Variants in CLASP2 observed in about 807,000 individuals in gnomAD.
CLASP2 encodes the protein cytoplasmic linker associated protein 2, also known as CLIP-associating protein 2.
CLASP2 carries 47 observed loss-of-function variants against 194.4 expected under a neutral mutation model. The ratio of observed to expected loss-of-function variants is 0.24; its 90% CI spans 0.19 to 0.31. The LOEUF (loss-of-function observed/expected upper bound fraction) is 0.31. CLASP2 is among the 10% of genes least tolerant of loss of function. The pLI, the probability that CLASP2 is intolerant of heterozygous loss-of-function variation, is 1.00. For missense variants in CLASP2, 1,445 were observed against 1,823.6 expected, an observed-to-expected ratio of 0.79 and a Z score of 3.78; for synonymous variants, 619 against 633.5, an observed-to-expected ratio of 0.98 and a Z score of 0.34.
rs943606734 is a variant in CLASP2 at position 33,604,094 on chromosome 3, T to C, written c.1750+60A>G. The C allele has an allele frequency of 7.0e-6, 9 of 1,281,380 alleles. No individual in the cohort carries two copies. The African/African-American group carries it at 9.0e-5, about 13-fold the overall frequency. 79.4% of individuals were successfully genotyped at this position (1,281,380 alleles called of 1,614,324 possible). A position where few individuals can be genotyped will look rare whatever the true frequency, so the allele number is the denominator to read the frequency against. ...TCACTATGGAGCACATCAAAAGAGT[T>C]TGAAGGCTACTGTTTCAAAGATAAA... On this transcript the variant is annotated intron_variant, in intron 17 of 38. Transcript: ENST00000682230.
intron 1 of CLASP2, among the ~76,000 whole-genome samples, chr3:33,715,174 C>T (rs1031277353): frequency 6.6e-6 from 1 of 152,180 alleles, no homozygotes; most frequent in African/African-American, 2.4e-5. Context: ...CCTTTCTTGA[C>T]CACCCAAAGT....
intron 1 of CLASP2, among the ~76,000 whole-genome samples, chr3:33,711,897 G>A (rs1432858884): frequency 2.0e-5 from 3 of 152,174 alleles, no homozygotes; most frequent in Non-Finnish European, 4.4e-5. Flanking sequence ...GTCATGTGAT[G>A]TGATGAAAAA....
intron 25 of CLASP2, among the ~76,000 whole-genome samples, chr3:33,571,014 A>ATTTTTTTTTTTTTT (rs1276472825): frequency 7.8e-6 from 1 of 127,744 alleles, no homozygotes; most frequent in Non-Finnish European, 1.7e-5. Context: ...TGTCTCTATA[A>ATTTTTTTTTTTTTT]ATTTTTTTTT....
chr3:33,515,064 T>A (rs752562226), intron 36 of CLASP2, among the ~76,000 whole-genome samples: 1 of 152,092 alleles, frequency 6.6e-6, no homozygotes, highest in African/African-American at 2.4e-5. Flanking sequence ...CTTTGGGGAC[T>A]TGGGGGAAAG....
intron 5 of CLASP2, among the ~76,000 whole-genome samples, chr3:33,684,966 C>A (rs1159798539): frequency 2.0e-5 from 3 of 150,804 alleles, no homozygotes; most frequent in African/African-American, 7.3e-5. Flanking sequence ...CGTGCCACTG[C>A]CCTCCAGGCT....
At chr3:33,606,383 T>C (rs2073859893) in intron 16 of CLASP2, among the ~76,000 whole-genome samples, 1 of 152,146 alleles carries the variant, frequency 6.6e-6, no homozygotes. Flanking sequence ...AAAATATGAA[T>C]CATAGAACTC....
intron 1 of CLASP2, among the ~76,000 whole-genome samples, chr3:33,698,081 T>A (rs530196520): frequency 6.6e-6 from 1 of 152,236 alleles, no homozygotes; most frequent in Admixed American, 6.5e-5. Flanking sequence ...GGATATTGGA[T>A]AAAGTATCTC....
chr3:33,502,015 C>T (rs1163558606), intron 37 of CLASP2: 4 of 339,118 alleles, frequency 1.2e-5, no homozygotes, highest in Non-Finnish European at 2.1e-5. Context: ...GAAAGCTGCA[C>T]TTCTCTGACT....
At chr3:33,541,539 T>C (rs995184541) in intron 32 of CLASP2, among the ~76,000 whole-genome samples, 3 of 152,204 alleles carry the variant, frequency 2.0e-5, no homozygotes, top group Non-Finnish European at 4.4e-5. Context: ...TATGTGTTCA[T>C]GTGTTTTCAT....
At chr3:33,667,262 C>T (rs1037527197) in intron 6 of CLASP2, among the ~76,000 whole-genome samples, 2 of 151,688 alleles carry the variant, frequency 1.3e-5, no homozygotes, top group Non-Finnish European at 2.9e-5. Flanking sequence ...AAATACAAAA[C>T]ATAGCTGGGT....
intron 18 of CLASP2, 168 bp downstream of exon 18, chr3:33,602,784 A>C (rs763794905): frequency 1.4e-6 from 1 of 737,114 alleles, no homozygotes; most frequent in South Asian, 1.5e-5. Context: ...AGGAGAAACA[A>C]GGCAGCTCAG....
intron 13 of CLASP2, among the ~76,000 whole-genome samples, chr3:33,611,612 C>T (rs368868209): frequency 2.0e-5 from 3 of 152,110 alleles, no homozygotes; most frequent in Admixed American, 6.6e-5. Flanking sequence ...TTATGTTCTA[C>T]GGGGTTGACA....
intron 27 of CLASP2, among the ~76,000 whole-genome samples, chr3:33,561,761 G>T (rs759882485): frequency 6.6e-6 from 1 of 152,156 alleles, no homozygotes; most frequent in African/African-American, 2.4e-5. Context: ...TATGAAAAGT[G>T]ACCTTTATCA....
chr3:33,573,368 A>G lies in CLASP2; in HGVS notation c.2455-14T>C, dbSNP rs1264956113. Reference sequence around the variant, plus strand: ...AGCTGGTTTTTTCTGTTATACATCAAGAATCTCATTAGCAGTAGCCAAAAG... The same window carrying G: ...AGCTGGTTTTTTCTGTTATACATCAGGAATCTCATTAGCAGTAGCCAAAAG... On this transcript the variant is annotated splice_polypyrimidine_tract_variant and intron_variant, in intron 24 of 38. Transcript: ENST00000682230. The G allele has an allele frequency of 6.2e-7, 1 of 1,612,062 alleles. No homozygotes were observed. The highest frequency in any genetic ancestry group is 1.7e-5 in the Admixed American group (1 of 59,960).
At chr3:33,538,361 T>C (rs947350935) in intron 33 of CLASP2, among the ~76,000 whole-genome samples, 4 of 152,234 alleles carry the variant, frequency 2.6e-5, no homozygotes, top group Non-Finnish European at 5.9e-5. Flanking sequence ...TGAGGCCTTC[T>C]TGGACCACAC....
At chr3:33,615,649 C>A (rs2076019915) in intron 12 of CLASP2, among the ~76,000 whole-genome samples, 1 of 151,266 alleles carries the variant, frequency 6.6e-6, no homozygotes, top group African/African-American at 2.4e-5. Flanking sequence ...CAATTCTATG[C>A]CAAAGAATTC....
At chr3:33,505,496 G>A (rs1159933303) in intron 37 of CLASP2, 1 of 152,182 alleles carries the variant, frequency 6.6e-6, no homozygotes, top group African/African-American at 2.4e-5. Flanking sequence ...GTGATGCACA[G>A]AAAATGGCAG....
At chr3:33,684,725 C>T (rs1300554547) in intron 5 of CLASP2, among the ~76,000 whole-genome samples, 1 of 152,048 alleles carries the variant, frequency 6.6e-6, no homozygotes, top group Non-Finnish European at 1.5e-5. Flanking sequence ...TGTGGCCAGG[C>T]ACGGTGGCTC....
At chr3:33,652,811 C>A (rs545722863) in intron 7 of CLASP2, among the ~76,000 whole-genome samples, 1 of 152,136 alleles carries the variant, frequency 6.6e-6, no homozygotes, top group Admixed American at 6.6e-5. Flanking sequence ...CAGTAAATAA[C>A]GTCACCATCT....
Sources: gnomAD v4.1 joint callset for allele counts (sites outside exome capture counted in the v4.1 genomes callset) on GRCh38, gnomAD v4.1.1 for gene constraint, MANE v1.5 for transcripts, NCBI Gene and HGNC (gene_info 2026-07-23, HGNC 2026-07-21) for gene names.